The following VPS13C variants were observed in gnomAD, a reference collection of about 807,000 sequenced individuals.
The protein encoded by VPS13C is intermembrane lipid transfer protein VPS13C.
Under a neutral mutation model 456.8 loss-of-function variants are expected in VPS13C, and 358 were observed. The observed-to-expected ratio is 0.78, with a 90% CI of 0.72 to 0.86. The LOEUF is 0.86. Ranked by LOEUF, VPS13C falls within the 40% of genes least tolerant of loss-of-function variation. VPS13C has a pLI of 0.00. For missense variants in VPS13C, 4,818 were observed against 4,385.4 expected (o/e 1.10, Z -2.79); for synonymous variants, 1,578 against 1,486.7 (o/e 1.06, Z -1.41).
chr15:61,873,431 T>C, intron 77 of VPS13C, 22 bp from the exon 78 acceptor site: 1 of 1,611,304 alleles, frequency 6.2e-7, no homozygotes. Context: ...AAGGGATTAA[T>C]TTCTAGAATA....
intron 3 of VPS13C, among the ~76,000 whole-genome samples, chr15:62,037,101 T>C (rs946733621): frequency 1.4e-5 from 2 of 144,542 alleles, no homozygotes; most frequent in South Asian, 4.2e-4. Context: ...AATCTTTGTG[T>C]ACTTTAAAAG....
rs370851383 is a variant in VPS13C, at chr15:61,915,739, C to T, written c.8339G>A (p.Arg2780Gln). The T allele has an allele frequency of 4.3e-6, 7 of 1,614,076 alleles. No individual in the cohort carries two copies. The highest frequency in any genetic ancestry group is 2.7e-5 in the African/African-American group (2 of 75,016). ...ATCTTCTGAACGATACTGGAGAACC[C>T]GGGTAGTCTTGTTGATTAACCAATA... ...SPYWLINKTT[R>Q]VLQYRSEDIH... The change falls in exon 61 of 85, where the codon CGG (arginine) becomes CAG (glutamine). Residue 2780 changes from arginine to glutamine, a missense_variant. Arg to Gln is a conservative substitution (Grantham distance 43). Transcript: ENST00000644861.
At chr15:62,041,443 TA>T in intron 2 of VPS13C, 77 bp from the exon 3 acceptor site, 1 of 1,358,360 alleles carries the variant, frequency 7.4e-7, no homozygotes, top group Non-Finnish European at 1.0e-6. Context: ...TGTGATCATT[TA>T]AATACACATG....
At chr15:61,864,458 A>G (rs1894402026) in intron 81 of VPS13C, 1 of 830,916 alleles carries the variant, frequency 1.2e-6, no homozygotes, top group Admixed American at 6.2e-5. Context: ...CTGAAAATAG[A>G]TAATATATAT....
intron 15 of VPS13C, among the ~76,000 whole-genome samples, chr15:62,005,114 A>G (rs2046785173): frequency 6.6e-6 from 1 of 152,058 alleles, no homozygotes; most frequent in Non-Finnish European, 1.5e-5. Context: ...TAATGTTGAC[A>G]GTGGGGTGTT....
rs191676129 is a variant in VPS13C at position 61,968,436 on chromosome 15, T to C, written c.2911+863A>G. Among the ~76,000 whole-genome samples the C allele has an allele frequency of 3.0e-3, 450 of 152,180 alleles. 2 individuals carry two copies. Among genetic ancestry groups the C allele is most frequent in the Admixed American group, 4.9e-3 (75 of 15,270 alleles). Reference sequence around the variant, plus strand: ...TAGGTTATATGAAAATACAATGCCATTTTATATAAGGAACTTGAGCACCAT... The same window carrying C: ...TAGGTTATATGAAAATACAATGCCACTTTATATAAGGAACTTGAGCACCAT... On this transcript the variant is annotated intron_variant, in intron 28 of 84. Coordinates refer to ENST00000644861, the MANE Select transcript of VPS13C (RefSeq NM_020821.3).
intron 3 of VPS13C, among the ~76,000 whole-genome samples, chr15:62,038,444 C>G (rs1454521349): frequency 6.6e-6 from 1 of 151,834 alleles, no homozygotes; most frequent in African/African-American, 2.4e-5. Flanking sequence ...CAAATATGAG[C>G]CAATCATGGT....
intron 9 of VPS13C, among the ~76,000 whole-genome samples, chr15:62,018,455 C>T (rs1370645128): frequency 2.6e-5 from 4 of 151,556 alleles, no homozygotes; most frequent in African/African-American, 9.7e-5. Flanking sequence ...TTTTGAGATA[C>T]ATCCCATCAA....
chr15:61,866,629 T>G, intron 81 of VPS13C: 2 of 985,152 alleles, frequency 2.0e-6, no homozygotes, highest in Non-Finnish European at 2.4e-6. Flanking sequence ...TTTTTGCCAA[T>G]GCTAAATTAT....
intron 27 of VPS13C, among the ~76,000 whole-genome samples, chr15:61,971,027 A>G (rs2045533753): frequency 6.6e-6 from 1 of 152,160 alleles, no homozygotes; most frequent in African/African-American, 2.4e-5. Flanking sequence ...AGTACCTAAA[A>G]TAATGTCTGG....
At chr15:61,874,361 A>C (rs1895256445) in intron 77 of VPS13C, among the ~76,000 whole-genome samples, 1 of 151,992 alleles carries the variant, frequency 6.6e-6, no homozygotes, top group Admixed American at 6.6e-5. Flanking sequence ...AGAAATGATA[A>C]ATGTTCGAGG....
chr15:62,010,884 G>T (rs1314506577), intron 12 of VPS13C, among the ~76,000 whole-genome samples: 1 of 152,054 alleles, frequency 6.6e-6, no homozygotes, highest in Non-Finnish European at 1.5e-5. Context: ...GTTATTCACA[G>T]TCTGCATAAA....
intron 16 of VPS13C, among the ~76,000 whole-genome samples, chr15:61,996,597 T>C (rs911987601): frequency 3.3e-5 from 5 of 151,756 alleles, no homozygotes; most frequent in African/African-American, 1.2e-4. Context: ...CTATAGTACA[T>C]GACATAAAGG....
chr15:61,936,531 T>A, intron 48 of VPS13C, 66 bp downstream of exon 48: 1 of 1,426,610 alleles, frequency 7.0e-7, no homozygotes, highest in Non-Finnish European at 9.3e-7. Flanking sequence ...GCTAGAAAAA[T>A]ACTAAATATA....
intron 47 of VPS13C, among the ~76,000 whole-genome samples, chr15:61,938,028 T>C (rs1369711671): frequency 6.6e-6 from 1 of 152,116 alleles, no homozygotes; most frequent in Non-Finnish European, 1.5e-5. Flanking sequence ...TCCCCCAAAT[T>C]AGGTCCCTAC....
At chr15:61,895,665 A>G (rs2042785830) in intron 66 of VPS13C, among the ~76,000 whole-genome samples, 3 of 152,174 alleles carry the variant, frequency 2.0e-5, no homozygotes, top group Admixed American at 1.3e-4. Context: ...CAGAAAACCT[A>G]ATTGGAAGAC....
chr15:61,995,017 C>A (rs2046337406), intron 16 of VPS13C, among the ~76,000 whole-genome samples: 1 of 152,242 alleles, frequency 6.6e-6, no homozygotes, highest in Non-Finnish European at 1.5e-5. Context: ...CCACCACTTA[C>A]TGCTCCATTT....
rs181317401 is a variant in VPS13C at position 61,867,475 on chromosome 15, C to A, written c.10863+1184G>T. 202 of 987,736 alleles carry A rather than the reference C, an allele frequency of 2.0e-4. No individual in the cohort carries two copies. In the African/African-American group the frequency reaches 2.8e-3, roughly 14 times the overall value. 61.2% of individuals were successfully genotyped at this position (987,736 alleles called of 1,614,324 possible). ...CCAGGTAATAGTCCCGTAACTTAAG[C>A]AAATTTAGAGCCATTTGTGAAACAG... On this transcript the variant is annotated intron_variant, in intron 81 of 84. Transcript: ENST00000644861. This position sits in a 1 kb window ranked among gnomAD's most constrained non-coding sequence, Gnocchi z 5.0.
intron 45 of VPS13C, among the ~76,000 whole-genome samples, chr15:61,943,974 C>A (rs757930126): frequency 6.7e-6 from 1 of 149,340 alleles, no homozygotes; most frequent in African/African-American, 2.5e-5. Flanking sequence ...TAAAACTGGG[C>A]AAAAGACATG....
Sources: gnomAD v4.1 joint callset for allele counts (sites outside exome capture counted in the v4.1 genomes callset) on GRCh38, gnomAD v4.1.1 for gene constraint, Gnocchi (gnomAD v3.1) non-coding constraint, MANE v1.5 for transcripts, NCBI Gene and HGNC (gene_info 2026-07-23, HGNC 2026-07-21) for gene names.